ST18: variants seen among roughly 807,000 people sequenced by gnomAD.
The protein encoded by ST18 is suppression of tumorigenicity 18 protein.
Under a neutral mutation model 110.0 loss-of-function variants are expected in ST18, and 50 were observed. That is an observed-to-expected ratio of 0.45 (90% confidence interval 0.36 to 0.58). The LOEUF (loss-of-function observed/expected upper bound fraction) is 0.58. Ranked by LOEUF, ST18 falls within the 20% of genes least tolerant of loss-of-function variation. The pLI is 0.00. For synonymous variants in ST18, 461 were observed against 452.4 expected (o/e 1.02, Z -0.24); for missense variants, 1,306 against 1,280.1 (o/e 1.02, Z -0.31).
intron 2 of ST18, among the ~76,000 whole-genome samples, chr8:52,326,221 G>A (rs1806330500): frequency 6.6e-6 from 1 of 152,190 alleles, no homozygotes; most frequent in Non-Finnish European, 1.5e-5. Flanking sequence ...TCTTACCATG[G>A]AGTCTCATTT....
chr8:52,283,234 C>T (rs1015675438), intron 2 of ST18, among the ~76,000 whole-genome samples: 3 of 152,114 alleles, frequency 2.0e-5, no homozygotes, highest in Non-Finnish European at 4.4e-5. Flanking sequence ...CCAGCTGAGG[C>T]AAAGATAAGG....
chr8:52,116,803 A>C (rs1009313421), intron 24 of ST18, among the ~76,000 whole-genome samples: 9 of 151,384 alleles, frequency 5.9e-5, no homozygotes, highest in African/African-American at 1.9e-4. Flanking sequence ...TTCATACCTC[A>C]CCTCCACTGG....
intron 2 of ST18, among the ~76,000 whole-genome samples, chr8:52,320,319 A>G (rs1481898855): frequency 1.3e-5 from 2 of 152,114 alleles, no homozygotes; most frequent in African/African-American, 4.8e-5. Context: ...TGTGGAGGAA[A>G]CCCACAGGGC....
intron 2 of ST18, among the ~76,000 whole-genome samples, chr8:52,382,532 T>G (rs936086326): frequency 1.3e-5 from 2 of 152,242 alleles, no homozygotes; most frequent in African/African-American, 4.8e-5. Context: ...TTCTCTTTTT[T>G]CTTATTCTTT....
rs758534430 is a variant in ST18, at chr8:52,212,075, T to G, written c.86+4A>C. On this transcript the variant is annotated splice_donor_region_variant and intron_variant, in intron 8 of 25. Transcript: ENST00000689386. The stretch of plus-strand genomic sequence containing the variant: ...AAAAAAAAGTAATATAGGGTAAATC[T>G]TACCTGAGCTCCTGGATTAGTGAAT... 2 of 1,605,924 alleles carry G rather than the reference T, an allele frequency of 1.2e-6. No homozygotes were observed. Among genetic ancestry groups the G allele is most frequent in the Admixed American group, 3.5e-5 (2 of 57,494 alleles).
At chr8:52,284,821 C>T (rs1344575418) in intron 2 of ST18, among the ~76,000 whole-genome samples, 1 of 152,042 alleles carries the variant, frequency 6.6e-6, no homozygotes, top group Non-Finnish European at 1.5e-5. Context: ...CGCCACCCCC[C>T]AAAAAAATCA....
chr8:52,200,087 T>A (rs1444556449), intron 8 of ST18, among the ~76,000 whole-genome samples: 3 of 152,236 alleles, frequency 2.0e-5, no homozygotes, highest in Non-Finnish European at 4.4e-5. Flanking sequence ...ATTCAGTTTT[T>A]TTTTATTAGC....
chr8:52,143,316 C>T (rs2055990816), intron 16 of ST18, among the ~76,000 whole-genome samples: 1 of 152,154 alleles, frequency 6.6e-6, no homozygotes. Flanking sequence ...GAAATCCCGT[C>T]TCTACCAAAA....
intron 2 of ST18, chr8:52,313,019 T>C (rs1386894979): frequency 6.6e-6 from 1 of 152,248 alleles, no homozygotes; most frequent in African/African-American, 2.4e-5. Flanking sequence ...AACTATGTCC[T>C]TGAAGATTGA....
chr8:52,319,951 C>T (rs975523895), intron 2 of ST18, among the ~76,000 whole-genome samples: 1 of 152,056 alleles, frequency 6.6e-6, no homozygotes, highest in African/African-American at 2.4e-5. Context: ...CTTTTCTGAC[C>T]AGGTCTTGAA....
chr8:52,322,572 A>G (rs765019203), intron 2 of ST18, among the ~76,000 whole-genome samples: 18 of 152,374 alleles, frequency 1.2e-4, no homozygotes, highest in Non-Finnish European at 1.8e-4. Context: ...TCAATAAAAT[A>G]TCACTCAACC....
chr8:52,279,781 C>A (rs1271080651), intron 2 of ST18, among the ~76,000 whole-genome samples: 2 of 152,116 alleles, frequency 1.3e-5, no homozygotes, highest in African/African-American at 2.4e-5. Flanking sequence ...GCAACGTGAA[C>A]AATTCTGTCT....
At chr8:52,392,700 A>G (rs1839713116) in intron 2 of ST18, among the ~76,000 whole-genome samples, 1 of 152,248 alleles carries the variant, frequency 6.6e-6, no homozygotes, top group African/African-American at 2.4e-5. Flanking sequence ...ACAGCTGAAG[A>G]GCACTGGTTA....
intron 2 of ST18, among the ~76,000 whole-genome samples, chr8:52,394,828 T>A (rs1344981746): frequency 2.0e-5 from 3 of 152,190 alleles, no homozygotes; most frequent in Non-Finnish European, 4.4e-5. Flanking sequence ...ACTTGCTAAA[T>A]GAATGAAAAT....
At chr8:52,203,559 AG>A (rs2078794307) in intron 8 of ST18, among the ~76,000 whole-genome samples, 1 of 151,790 alleles carries the variant, frequency 6.6e-6, no homozygotes, top group Non-Finnish European at 1.5e-5. Flanking sequence ...CATTTTAAGC[AG>A]GAAAAAAATT....
chr8:52,118,556 C>T, intron 23 of ST18, 115 bp from the exon 24 acceptor site: 1 of 551,254 alleles, frequency 1.8e-6, no homozygotes, highest in Non-Finnish European at 3.1e-6. Flanking sequence ...GTGTTTTTAC[C>T]AAAACAATGC....
At chr8:52,172,612 G>A (rs561405995) in intron 9 of ST18, 29 bp from the exon 10 acceptor site, 26 of 1,511,836 alleles carry the variant, frequency 1.7e-5, no homozygotes, top group Non-Finnish European at 2.2e-5. Flanking sequence ...AATATTTGAA[G>A]AGCAAGAACA....
At chr8:52,378,343 A>C (rs1040212406) in intron 2 of ST18, among the ~76,000 whole-genome samples, 1 of 152,214 alleles carries the variant, frequency 6.6e-6, no homozygotes, top group African/African-American at 2.4e-5. Context: ...CTGTATCAAA[A>C]TATTACATGT....
chr8:52,311,831 G>T (rs1413275541), intron 2 of ST18, among the ~76,000 whole-genome samples: 1 of 152,186 alleles, frequency 6.6e-6, no homozygotes, highest in Non-Finnish European at 1.5e-5. Context: ...TGGGGATTAG[G>T]GGACTTTGGG....
Sources: gnomAD v4.1 joint callset for allele counts (sites outside exome capture counted in the v4.1 genomes callset) on GRCh38, gnomAD v4.1.1 for gene constraint, MANE v1.5 for transcripts, NCBI Gene and HGNC (gene_info 2026-07-23, HGNC 2026-07-21) for gene names.